ZNF615: variants seen among roughly 807,000 people sequenced by gnomAD.
ZNF615 encodes the protein zinc finger protein 615.
Under a neutral mutation model 15.3 loss-of-function variants are expected in ZNF615, and 15 were observed. The ratio of observed to expected loss-of-function variants is 0.98; its 90% confidence interval spans 0.66 to 1.51. The LOEUF (loss-of-function observed/expected upper bound fraction) is 1.51. ZNF615 is among the 40% of genes most tolerant of loss of function. The probability of loss-of-function intolerance (pLI) is 0.00; values close to 1 mark genes in which losing one functional copy is unlikely to be tolerated. For missense variants in ZNF615, 848 were observed against 895.9 expected, an observed-to-expected ratio of 0.95 and a Z score of 0.68; for synonymous variants, 268 against 294.6, an observed-to-expected ratio of 0.91 and a Z score of 0.92.
At position 52,002,129 on chromosome 19, in the gene ZNF615, G is replaced by T. The variant is rs1376834452; in HGVS notation, c.142+26C>A. The T allele has an allele frequency of 2.5e-6, 4 of 1,614,202 alleles. No individual in the cohort carries two copies. The Admixed American group carries it at 6.7e-5, about 27-fold the overall frequency. On this transcript the variant is annotated intron_variant, in intron 4 of 6. Coordinates refer to ENST00000598071, the MANE Select transcript of ZNF615 (RefSeq NM_001199324.2). ...GAAGGCCACTGACTGGGCACCCTCT[G>T]AGTGACACAGGGCAGCTGTCCTCAC...
chr19:52,003,828 A>G lies in ZNF615; in HGVS notation c.-117T>C. The G allele has an allele frequency of 6.4e-7, 1 of 1,550,730 alleles. No homozygotes were observed. Among genetic ancestry groups the G allele is most frequent in the Non-Finnish European group, 8.7e-7 (1 of 1,151,626 alleles). The stretch of plus-strand genomic sequence containing the variant: ...TCTCCAATCAAGGATGTCCCCAGAA[A>G]TGATGACACCCAAGTCTTGGAAACT... On this transcript the variant is annotated 5_prime_UTR_variant, in exon 3 of 7. Transcript: ENST00000598071.
chr19:52,000,585 C>T lies in ZNF615; in HGVS notation c.239-207G>A, dbSNP rs979539999. Among the ~76,000 whole-genome samples the T allele has an allele frequency of 3.3e-5, 5 of 151,984 alleles. No homozygotes were observed. The South Asian group carries it at 1.0e-3, about 32-fold the overall frequency. ...TTAAGGCAGAAGTTAATTTGGTAGT[C>T]TCTTCCAGAGAATGAAGAGTTAATT... On this transcript the variant is annotated intron_variant, in intron 5 of 6. Coordinates refer to ENST00000598071, the MANE Select transcript of ZNF615 (RefSeq NM_001199324.2).
chr19:52,003,443 G>T (rs1310146170), intron 3 of ZNF615, among the ~76,000 whole-genome samples: 1 of 152,108 alleles, frequency 6.6e-6, no homozygotes. Context: ...TGTTTCTCTT[G>T]TATAGCTTGT....
intron 3 of ZNF615, chr19:52,002,576 A>G: frequency 2.1e-6 from 1 of 473,872 alleles, no homozygotes. Context: ...CAAACTAGTC[A>G]TAAGTATATG....
intron 5 of ZNF615, 71 bp downstream of exon 5, chr19:52,001,742 C>T: frequency 7.5e-7 from 1 of 1,324,722 alleles, no homozygotes; most frequent in Non-Finnish European, 1.1e-6. Flanking sequence ...GCCCTCACTG[C>T]TTTGACGCCT....
In ZNF615 at chr19:52,001,859, T is replaced by C. The variant is rs747369953; in HGVS notation, c.192A>G (p.Glu64=). The C allele has an allele frequency of 1.2e-6, 2 of 1,614,180 alleles. No homozygotes were observed. The highest frequency in any genetic ancestry group is 1.7e-6 in the Non-Finnish European group (2 of 1,180,036). The change falls in exon 5 of 7, where the codon GAA becomes GAG. Residue 64 remains glutamate, a synonymous_variant. Coordinates refer to ENST00000598071, the MANE Select transcript of ZNF615 (RefSeq NM_001199324.2). ...PDALSKLERG[E]ETCTTEDEIY... is the part of the protein sequence containing the mutation. Reference sequence around the variant, plus strand: ...TTTCATCTTCTGTTGTGCAAGTTTCTTCTCCTCGTTCCAATTTGGAGAGTG... The same window carrying C: ...TTTCATCTTCTGTTGTGCAAGTTTCCTCTCCTCGTTCCAATTTGGAGAGTG...
chr19:51,993,278 C>T lies in ZNF615; in HGVS notation c.1831G>A (p.Glu611Lys). ...TTCATGGTGAAGCCCTTTCCACATT[C>T]ATTGCATATATAAGGTTTCTCCCCA... The part of the protein sequence containing the change: ...HTGEKPYICN[E>K]CGKGFTMKST... Residue 611 changes from glutamate to lysine, a missense_variant, in exon 7 of 7, where the codon GAA becomes AAA. Physicochemically the swap from Glu to Lys is moderately conservative, Grantham distance 56. Transcript: ENST00000598071. 6.2e-7 allele frequency: 1 copy of T among 1,614,144 alleles called. No homozygotes were observed. Among genetic ancestry groups the T allele is most frequent in the Non-Finnish European group, 8.5e-7 (1 of 1,180,008 alleles).
rs2086270579 is a variant in ZNF615, at chr19:51,992,775, T to G, written c.*105A>C. 1 of 1,284,406 alleles carries G rather than the reference T, an allele frequency of 7.8e-7. No individual in the cohort carries two copies. The highest frequency in any genetic ancestry group is 1.1e-6 in the Non-Finnish European group (1 of 928,094). The allele number at this position is 1,284,406 out of a possible 1,614,324, so 79.6% of individuals were successfully genotyped here. ...GTTTTCTCTGACACAAAACATGAAGTAACTGATCACTAAATAAACAACCAT... is the reference window on the plus strand; with the variant it reads ...GTTTTCTCTGACACAAAACATGAAGGAACTGATCACTAAATAAACAACCAT... On this transcript the variant is annotated 3_prime_UTR_variant, in exon 7 of 7. Transcript: ENST00000598071.
Position 52,007,334 on chromosome 19 carries a change from A to G in ZNF615, c.-227-4T>C. 7.8e-7 allele frequency: 1 copy of G among 1,288,206 alleles called. No individual in the cohort carries two copies. Among genetic ancestry groups the G allele is most frequent in the Non-Finnish European group, 1.0e-6 (1 of 987,868 alleles). 79.8% of individuals were successfully genotyped at this position (1,288,206 alleles called of 1,614,324 possible). A position where few individuals can be genotyped will look rare whatever the true frequency, so the allele number is the denominator to read the frequency against. ...TCTTACTTGTGTCAGAAAGAACCTG[A>G]AAAGAAATATCCAAGAGGATACGCT... On this transcript the variant is annotated splice_polypyrimidine_tract_variant and splice_region_variant and intron_variant, in intron 1 of 6. Coordinates refer to ENST00000598071, the MANE Select transcript of ZNF615 (RefSeq NM_001199324.2).
At chr19:51,996,115 T>C in intron 6 of ZNF615, among the ~76,000 whole-genome samples, 1 of 152,030 alleles carries the variant, frequency 6.6e-6, no homozygotes, top group East Asian at 1.9e-4. Context: ...TCAGGCTGGA[T>C]ACAGTGGCTC....
intron 3 of ZNF615, chr19:52,002,562 A>G: frequency 4.0e-6 from 2 of 497,820 alleles, no homozygotes. Context: ...CTATTTCCCA[A>G]TACCAAACTA....
Position 51,994,271 on chromosome 19 carries a change from A to C in ZNF615, c.838T>G (p.Phe280Val), listed in dbSNP as rs2086350942. The C allele has an allele frequency of 1.4e-5, 23 of 1,614,126 alleles. No individual in the cohort carries two copies. Among genetic ancestry groups the C allele is most frequent in the Non-Finnish European group, 1.9e-5 (23 of 1,180,008 alleles). Residue 280 changes from phenylalanine to valine, a missense_variant, in exon 7 of 7, where the codon TTC (phenylalanine) becomes GTC (valine). Transcript: ENST00000598071. Reference sequence around the variant, plus strand: ...ATATTGAGCTGTGATTTCTTGAGGAAGGTTTTGTCACATTCAGTGCATTCA... The same window carrying C: ...ATATTGAGCTGTGATTTCTTGAGGACGGTTTTGTCACATTCAGTGCATTCA... ...HYECTECDKTFLKKSQLNIHQ... is the reference protein window; with the variant it reads ...HYECTECDKTVLKKSQLNIHQ...
In ZNF615 at chr19:52,002,221, T is replaced by C; in HGVS notation, c.76A>G (p.Ser26Gly). 3.7e-6 allele frequency: 6 copies of C among 1,614,228 alleles called. No individual in the cohort carries two copies. Among genetic ancestry groups the C allele is most frequent in the South Asian group, 3.3e-5 (3 of 91,090 alleles). Residue 26 changes from serine (S) to glycine (G), a missense_variant, in exon 4 of 7, where the codon AGC becomes GGC. By Grantham distance (56) the Ser-to-Gly change is moderately conservative. Transcript: ENST00000598071. ...CGGTACAGGTCCTTCTGAGCAGGGCTCAGGAACTGCCACTCCTCCCAGGTG... is the reference window on the plus strand; with the variant it reads ...CGGTACAGGTCCTTCTGAGCAGGGCCCAGGAACTGCCACTCCTCCCAGGTG... The part of the protein sequence containing the change: ...DFTWEEWQFL[S>G]PAQKDLYRDV...
chr19:52,007,431 G>T, intron 1 of ZNF615, 101 bp from the exon 2 acceptor site: 1 of 609,358 alleles, frequency 1.6e-6, no homozygotes, highest in Non-Finnish European at 2.5e-6. Context: ...TATGCTAGAT[G>T]ACTGATCTCG....
intron 6 of ZNF615, among the ~76,000 whole-genome samples, chr19:51,996,065 G>T (rs1273400977): frequency 6.6e-6 from 1 of 152,042 alleles, no homozygotes; most frequent in African/African-American, 2.4e-5. Flanking sequence ...AGGGTTAATG[G>T]AAGTGAGGAC....
At chr19:52,007,409 A>C (rs1178889384) in intron 1 of ZNF615, 79 bp from the exon 2 acceptor site, 1 of 870,806 alleles carries the variant, frequency 1.1e-6, no homozygotes, top group Non-Finnish European at 1.6e-6. Context: ...TATAAAACAT[A>C]CTACTTTTAG....
chr19:52,000,097 T>A (rs1266084418), intron 6 of ZNF615: 1 of 364,858 alleles, frequency 2.7e-6, no homozygotes, highest in Non-Finnish European at 4.9e-6. Context: ...CTGGAAGCCA[T>A]TACCCTAAGT....
At chr19:52,000,734 C>T (rs2086566446) in intron 5 of ZNF615, among the ~76,000 whole-genome samples, 1 of 152,140 alleles carries the variant, frequency 6.6e-6, no homozygotes, top group Non-Finnish European at 1.5e-5. Context: ...TGACAGATTA[C>T]TTGAGCCAAG....
At chr19:52,001,543 G>A (rs746052594) in intron 5 of ZNF615, among the ~76,000 whole-genome samples, 5 of 151,540 alleles carry the variant, frequency 3.3e-5, no homozygotes, top group South Asian at 2.1e-4. Context: ...CCTTGAACCC[G>A]GGAGGCGGAG....
Sources: gnomAD v4.1 joint callset for allele counts (sites outside exome capture counted in the v4.1 genomes callset) on GRCh38, gnomAD v4.1.1 for gene constraint, MANE v1.5 for transcripts, NCBI Gene and HGNC (gene_info 2026-07-23, HGNC 2026-07-21) for gene names.